The following COL14A1 variants were observed in gnomAD, a reference collection of about 807,000 sequenced individuals.
COL14A1 encodes collagen alpha-1(XIV) chain.
COL14A1 carries 136 observed loss-of-function variants against 230.3 expected under a neutral mutation model. The ratio of observed to expected loss-of-function variants is 0.59; its 90% CI spans 0.51 to 0.68. COL14A1 has a LOEUF of 0.68. COL14A1 is among the 30% of genes least tolerant of loss of function. The pLI is 0.00. For missense variants in COL14A1, 1,976 were observed against 2,215.8 expected (o/e 0.89, Z 2.17); for synonymous variants, 792 against 784.1 (o/e 1.01, Z -0.17).
chr8:120,276,275 C>T (rs1449763209), intron 26 of COL14A1, among the ~76,000 whole-genome samples: 4 of 150,770 alleles, frequency 2.7e-5, no homozygotes, highest in East Asian at 3.9e-4. Flanking sequence ...AATCAAATAC[C>T]GTATGTTCTC....
chr8:120,165,162 G>A (rs1815821347), intron 4 of COL14A1, among the ~76,000 whole-genome samples: 1 of 152,178 alleles, frequency 6.6e-6, no homozygotes, highest in Admixed American at 6.5e-5. Context: ...AAAATTGCTT[G>A]GATAGCTTTC....
chr8:120,158,667 G>A (rs895912855), intron 3 of COL14A1, among the ~76,000 whole-genome samples: 37 of 152,004 alleles, frequency 2.4e-4, no homozygotes, highest in Admixed American at 3.9e-4. Context: ...TAAGTGATAA[G>A]GCAGGAAAAA....
intron 36 of COL14A1, among the ~76,000 whole-genome samples, chr8:120,308,728 A>G (rs1227384485): frequency 6.6e-6 from 1 of 152,220 alleles, no homozygotes; most frequent in East Asian, 1.9e-4. Flanking sequence ...CTAATAGTGT[A>G]CAGAATCCCT....
chr8:120,235,865 T>A (rs1818428255), intron 19 of COL14A1, among the ~76,000 whole-genome samples: 1 of 152,234 alleles, frequency 6.6e-6, no homozygotes. Flanking sequence ...TGCCTTGATT[T>A]TGTTATGTAC....
At chr8:120,274,741 A>G (rs1586822973) in intron 26 of COL14A1, among the ~76,000 whole-genome samples, 1 of 151,786 alleles carries the variant, frequency 6.6e-6, no homozygotes, top group Non-Finnish European at 1.5e-5. Context: ...TCACTTTTAC[A>G]ATAGCTGCAA....
At chr8:120,270,288 C>A (rs2129820923) in intron 26 of COL14A1, 114 bp downstream of exon 26, 3 of 1,080,766 alleles carry the variant, frequency 2.8e-6, no homozygotes, top group Non-Finnish European at 3.8e-6. Context: ...TTGGGTTCAA[C>A]CTTAAATGAA....
intron 26 of COL14A1, among the ~76,000 whole-genome samples, chr8:120,276,287 C>T (rs996801311): frequency 2.7e-5 from 4 of 150,770 alleles, no homozygotes; most frequent in Non-Finnish European, 5.9e-5. Flanking sequence ...TATGTTCTCA[C>T]TTTTAAGCGA....
chr8:120,228,663 A>G, intron 17 of COL14A1, 47 bp from the exon 18 acceptor site: 1 of 1,445,146 alleles, frequency 6.9e-7, no homozygotes, highest in Middle Eastern at 1.7e-4. Context: ...CTATAGAAAA[A>G]TGGACAGTTG....
chr8:120,216,357 T>C lies in COL14A1; in HGVS notation c.1604T>C (p.Leu535Ser). 6.2e-7 allele frequency: 1 copy of C among 1,607,128 alleles called. No individual in the cohort carries two copies. Among genetic ancestry groups the C allele is most frequent in the Non-Finnish European group, 8.5e-7 (1 of 1,178,440 alleles). ...PVTGQETTLA[L>S]SPPRNLRISN... Reference sequence around the variant, plus strand: ...TATTCCATTTACTGCCAAGTGGCTTTAAGTCCACCAAGAAACCTGAGAATC... The same window carrying C: ...TATTCCATTTACTGCCAAGTGGCTTCAAGTCCACCAAGAAACCTGAGAATC... The change falls in exon 14 of 48, where the codon TTA (leucine) becomes TCA (serine). Residue 535 changes from leucine (L) to serine (S), a missense_variant. Around this residue, in one of 3 missense-constraint regions of COL14A1, gnomAD observed 1,791 missense variants for 2,019.5 expected, o/e 0.89. Transcript: ENST00000297848.
At chr8:120,251,121 T>C (rs1818934630) in intron 22 of COL14A1, among the ~76,000 whole-genome samples, 1 of 152,214 alleles carries the variant, frequency 6.6e-6, no homozygotes, top group Admixed American at 6.5e-5. Context: ...CAACCCTGCT[T>C]CCATTTGGTC....
chr8:120,362,346 A>G (rs1445945464), intron 45 of COL14A1, among the ~76,000 whole-genome samples: 3 of 152,214 alleles, frequency 2.0e-5, no homozygotes, highest in Non-Finnish European at 4.4e-5. Flanking sequence ...TCCGAAACCT[A>G]GTGAGATAAT....
chr8:120,235,177 A>AT (rs1446920519), intron 19 of COL14A1, among the ~76,000 whole-genome samples: 1 of 151,594 alleles, frequency 6.6e-6, no homozygotes, highest in Non-Finnish European at 1.5e-5. Context: ...TATCATTTTT[A>AT]TTTTTTGTTG....
intron 36 of COL14A1, among the ~76,000 whole-genome samples, chr8:120,303,731 A>G (rs752157645): frequency 2.6e-5 from 4 of 152,148 alleles, no homozygotes; most frequent in African/African-American, 9.7e-5. Context: ...AGGTTTTGCT[A>G]TCAGGATGAT....
At chr8:120,178,609 G>A (rs1816362428) in intron 5 of COL14A1, among the ~76,000 whole-genome samples, 1 of 152,136 alleles carries the variant, frequency 6.6e-6, no homozygotes, top group African/African-American at 2.4e-5. Flanking sequence ...GGATTGCTGG[G>A]TCAAATGGTA....
At chr8:120,259,277 T>C (rs1819255762) in intron 23 of COL14A1, among the ~76,000 whole-genome samples, 2 of 152,174 alleles carry the variant, frequency 1.3e-5, no homozygotes, top group East Asian at 3.9e-4. Flanking sequence ...AATAACTACT[T>C]GTAGGACATT....
At chr8:120,268,613 G>C (rs1819569263) in intron 25 of COL14A1, among the ~76,000 whole-genome samples, 1 of 151,470 alleles carries the variant, frequency 6.6e-6, no homozygotes, top group Admixed American at 6.6e-5. Flanking sequence ...GGCTTTGTTT[G>C]TCCTGGGTAT....
chr8:120,218,634 C>G (rs2130784240), intron 14 of COL14A1, among the ~76,000 whole-genome samples: 1 of 152,152 alleles, frequency 6.6e-6, no homozygotes, highest in East Asian at 1.9e-4. Context: ...TTTTGTCTTC[C>G]CATTTTGAGG....
chr8:120,273,912 C>T (rs755673740), intron 26 of COL14A1, among the ~76,000 whole-genome samples: 1 of 151,356 alleles, frequency 6.6e-6, no homozygotes, highest in African/African-American at 2.4e-5. Context: ...TTGGTGCAAA[C>T]CACAACTACT....
intron 45 of COL14A1, among the ~76,000 whole-genome samples, chr8:120,361,859 G>A (rs947064361): frequency 2.0e-5 from 3 of 152,192 alleles, no homozygotes; most frequent in East Asian, 1.9e-4. Flanking sequence ...AGGCCAACAG[G>A]CCAAAGAAAA....
Sources: allele counts gnomAD v4.1 joint callset (sites outside exome capture counted in the v4.1 genomes callset), GRCh38; gene constraint gnomAD v4.1.1; regional missense constraint gnomAD v4.1.1; transcripts MANE v1.5; gene names NCBI Gene and HGNC (gene_info 2026-07-23, HGNC 2026-07-21).